Variants in HEATR5B observed in about 807,000 individuals in gnomAD.
HEATR5B encodes the protein HEAT repeat-containing protein 5B.
HEATR5B carries 156 observed loss-of-function variants against 224.1 expected under a neutral mutation model. The ratio of observed to expected loss-of-function variants is 0.70; its 90% CI spans 0.61 to 0.80. The LOEUF (loss-of-function observed/expected upper bound fraction) is 0.80, where lower values mean the gene tolerates loss of function less well. Ranked by LOEUF, HEATR5B falls within the 30% of genes least tolerant of loss-of-function variation. The pLI, the probability that HEATR5B is intolerant of heterozygous loss-of-function variation, is 0.00. For missense variants in HEATR5B, 2,323 were observed against 2,535.5 expected, an observed-to-expected ratio of 0.92 and a Z score of 1.80; for synonymous variants, 1,027 against 893.0, an observed-to-expected ratio of 1.15 and a Z score of -2.68.
At position 37,002,352 on chromosome 2, in the gene HEATR5B, G is replaced by A. The variant is rs1667142047; in HGVS notation, c.5271C>T (p.Ala1757=). 1.2e-6 allele frequency: 2 copies of A among 1,614,102 alleles called. No individual in the cohort carries two copies. Among genetic ancestry groups the A allele is most frequent in the Admixed American group, 1.7e-5 (1 of 59,998 alleles). ...LSEESARLVA[A]TVTILSDLPS... ...GTAAATCAGAGAGTATGGTAACTGT[G>A]GCTGCCACCAAACGAGCACTTTCTT... The change falls in exon 32 of 36, where the codon GCC becomes GCT. Residue 1757 remains alanine, a synonymous_variant. Transcript: ENST00000233099.
chr2:36,985,659 G>T (rs1474573474), intron 35 of HEATR5B, among the ~76,000 whole-genome samples: 1 of 134,616 alleles, frequency 7.4e-6, no homozygotes, highest in Non-Finnish European at 1.6e-5. Context: ...TAGAGACGGG[G>T]TTTCACCATA....
rs1386676062 is a variant in HEATR5B, at chr2:37,041,232, C to T, written c.2757G>A (p.Leu919=). 1 of 1,614,062 alleles carries T rather than the reference C, an allele frequency of 6.2e-7. No individual in the cohort carries two copies. The highest frequency in any genetic ancestry group is 1.6e-4 in the Middle Eastern group (1 of 6,062). ...RTGHSLALGC[L]HRYVGGIGSG... ...AGCCTATTCCACCAACATAACGATG[C>T]AAACAACCAAGAGCCAATGAATGAC... The change falls in exon 19 of 36, where the codon TTG becomes TTA. Residue 919 remains leucine (L), a synonymous_variant. Coordinates refer to ENST00000233099, the MANE Select transcript of HEATR5B (RefSeq NM_019024.3).
chr2:37,016,844 C>A (rs1050290208), intron 26 of HEATR5B, among the ~76,000 whole-genome samples: 3 of 152,068 alleles, frequency 2.0e-5, no homozygotes, highest in African/African-American at 7.2e-5. Context: ...TTAATAAGGA[C>A]ATTTTTAACT....
At chr2:37,055,089 G>A in intron 16 of HEATR5B, 2 of 415,828 alleles carry the variant, frequency 4.8e-6, no homozygotes, top group Non-Finnish European at 5.0e-6. Context: ...TACCTTTTGT[G>A]CACTAAGAAC....
At chr2:36,987,528 CAT>C (rs1408997608) in intron 35 of HEATR5B, among the ~76,000 whole-genome samples, 1 of 151,336 alleles carries the variant, frequency 6.6e-6, no homozygotes, top group Non-Finnish European at 1.5e-5. Context: ...AATTAAAAAT[CAT>C]ATTTTGAAGG....
intron 22 of HEATR5B, among the ~76,000 whole-genome samples, chr2:37,031,790 T>G (rs1669149552): frequency 6.6e-6 from 1 of 152,158 alleles, no homozygotes; most frequent in Non-Finnish European, 1.5e-5. Context: ...TAGAAAACTT[T>G]TATAAGTAAA....
chr2:36,993,483 C>T lies in HEATR5B; in HGVS notation c.5546-2684G>A, dbSNP rs188561714. Among the ~76,000 whole-genome samples, 30 of 150,028 alleles carry T rather than the reference C, an allele frequency of 2.0e-4. 1 individual carries two copies. The East Asian group carries it at 2.9e-3, about 15-fold the overall frequency. On this transcript the variant is annotated intron_variant, in intron 33 of 35. Coordinates refer to ENST00000233099, the MANE Select transcript of HEATR5B (RefSeq NM_019024.3). ...ACATAGGAGGTGGACGTGGAGGTTGCGGTGAGCCAAAATCGCGCCATTGCA... is the reference window on the plus strand; with the variant it reads ...ACATAGGAGGTGGACGTGGAGGTTGTGGTGAGCCAAAATCGCGCCATTGCA...
Position 37,028,677 on chromosome 2 carries a change from T to G in HEATR5B, c.3601+4A>C, listed in dbSNP as rs1668931334. 1 of 1,613,370 alleles carries G rather than the reference T, an allele frequency of 6.2e-7. No homozygotes were observed. Among genetic ancestry groups the G allele is most frequent in the Non-Finnish European group, 8.5e-7 (1 of 1,179,606 alleles). The stretch of plus-strand genomic sequence containing the variant: ...TATTTTAAGAACGCACATTAAATAC[T>G]TACCACTAGAAGCTGCCAGGACATC... On this transcript the variant is annotated splice_donor_region_variant and intron_variant, in intron 23 of 35. Coordinates refer to ENST00000233099, the MANE Select transcript of HEATR5B (RefSeq NM_019024.3).
In HEATR5B at chr2:37,030,090, A is replaced by G. The variant is rs559247971; in HGVS notation, c.3362-1170T>C. Among the ~76,000 whole-genome samples, 61 of 152,274 alleles carry G rather than the reference A, an allele frequency of 4.0e-4. No homozygotes were observed. In the South Asian group the frequency reaches 0.012, roughly 30 times the overall value. ...TCATTCTTGTAAACAGCAGCGGTAT[A>G]TAACTGGTGGCTTTAAGAATGAGTA... On this transcript the variant is annotated intron_variant, in intron 22 of 35. Transcript: ENST00000233099.
At chr2:37,022,131 C>T (rs1054846506) in intron 24 of HEATR5B, among the ~76,000 whole-genome samples, 8 of 151,872 alleles carry the variant, frequency 5.3e-5, no homozygotes, top group African/African-American at 1.9e-4. Context: ...TTGATATCTG[C>T]TTCAGTCACT....
rs3080796 is a variant in HEATR5B at position 37,007,337 on chromosome 2, CTTTTTTTT to C, written c.4523-41_4523-34del. ...GCAATCAAATCAATTAAAAACATTA[CTTTTTTTT>C]TTTTTTTTTTTTTTTTGAGACCAAG... On this transcript the variant is annotated intron_variant, in intron 28 of 35. Transcript: ENST00000233099. 9.8e-5 allele frequency: 115 copies of C among 1,175,900 alleles called. No individual in the cohort carries two copies. In the Middle Eastern group the frequency reaches 1.3e-3, roughly 14 times the overall value. 72.8% of individuals were successfully genotyped at this position (1,175,900 alleles called of 1,614,324 possible).
Position 37,084,280 on chromosome 2 carries a change from G to T in HEATR5B, c.-34C>A. The T allele has an allele frequency of 2.5e-6, 1 of 394,012 alleles. No individual in the cohort carries two copies. The highest frequency in any genetic ancestry group is 4.5e-6 in the Non-Finnish European group (1 of 223,606). The allele number at this position is 394,012 out of a possible 1,614,324, so 24.4% of individuals were successfully genotyped here. A position where few individuals can be genotyped will look rare whatever the true frequency, so the allele number is the denominator to read the frequency against. On this transcript the variant is annotated 5_prime_UTR_variant, in exon 1 of 36. Transcript: ENST00000233099. Reference sequence around the variant, plus strand: ...TTCGGCGACCTCACCTCGTAGTCTGGAAGGGAAGATCAGCTGAGCTCCGGG... The same window carrying T: ...TTCGGCGACCTCACCTCGTAGTCTGTAAGGGAAGATCAGCTGAGCTCCGGG...
At chr2:37,047,375 G>C (rs1221070130) in intron 18 of HEATR5B, among the ~76,000 whole-genome samples, 1 of 152,106 alleles carries the variant, frequency 6.6e-6, no homozygotes, top group Non-Finnish European at 1.5e-5. Flanking sequence ...AATGCAATCT[G>C]TGAATTCTAA....
At position 37,037,874 on chromosome 2, in the gene HEATR5B, C is replaced by G. The variant is rs1669600588; in HGVS notation, c.3197G>C (p.Ser1066Thr). Residue 1066 changes from serine to threonine, a missense_variant, in exon 21 of 36, where the codon AGC becomes ACC. Ser to Thr is a moderately conservative substitution (Grantham distance 58). Transcript: ENST00000233099. ...ACTTACACAAAGGCTAGGAACAAGG[C>G]TAGATAGATTGACATGTCGTGGTGC... ...MFAPRHVNLS[S>T]LVPSLCVHLC... is the part of the protein sequence containing the mutation. 2 of 1,586,062 alleles carry G rather than the reference C, an allele frequency of 1.3e-6. No individual in the cohort carries two copies. Among genetic ancestry groups the G allele is most frequent in the Admixed American group, 1.7e-5 (1 of 57,970 alleles).
rs1386355836 is a variant in HEATR5B, at chr2:37,008,843, A to G, written c.4290T>C (p.Tyr1430=). The G allele has an allele frequency of 7.6e-6, 12 of 1,570,714 alleles. No homozygotes were observed. The highest frequency in any genetic ancestry group is 4.1e-5 in the African/African-American group (3 of 73,880). ...CCTTTTTAATATTCATAGCGACCAC[A>G]TATACCTAATATGATATTTATGAGG... The part of the protein sequence containing the change: ...LAVLKAWAEV[Y]VVAMNIKKEA... Residue 1430 remains tyrosine (Y), a synonymous_variant, in exon 28 of 36, where the codon TAT becomes TAC. Transcript: ENST00000233099.
chr2:37,024,695 C>T lies in HEATR5B; in HGVS notation c.3853+3228G>A, dbSNP rs116296568. Among the ~76,000 whole-genome samples the T allele has an allele frequency of 5.0e-3, 760 of 152,286 alleles. 6 individuals are homozygous for T. The highest frequency in any genetic ancestry group is 0.017 in the African/African-American group (706 of 41,566). ...AAGTAGATTAAAATGGGTCTACTTACATTATGCCAACCTAAAAGTAAATAA... is the reference window on the plus strand; with the variant it reads ...AAGTAGATTAAAATGGGTCTACTTATATTATGCCAACCTAAAAGTAAATAA... On this transcript the variant is annotated intron_variant, in intron 24 of 35. Coordinates refer to ENST00000233099, the MANE Select transcript of HEATR5B (RefSeq NM_019024.3).
Position 37,008,597 on chromosome 2 carries a change from AATGTAATACTCACC to A in HEATR5B, c.4522_4522+13del. The A allele has an allele frequency of 6.4e-7, 1 of 1,562,566 alleles. No individual in the cohort carries two copies. The highest frequency in any genetic ancestry group is 8.8e-7 in the Non-Finnish European group (1 of 1,132,940). Reference sequence around the variant, plus strand: ...TGAACTCCATAAAAGTAAAACTCAGAATGTAATACTCACCATCTGGAGGAAGCTGACTAGAAAAT... The same window carrying A: ...TGAACTCCATAAAAGTAAAACTCAGAATCTGGAGGAAGCTGACTAGAAAAT... On this transcript the variant is annotated splice_donor_variant and splice_donor_5th_base_variant and coding_sequence_variant and intron_variant, in exon 28 of 36. Coordinates refer to ENST00000233099, the MANE Select transcript of HEATR5B (RefSeq NM_019024.3). LOFTEE classifies it high-confidence loss of function.
chr2:37,080,458 A>AT (rs934320820), intron 2 of HEATR5B, among the ~76,000 whole-genome samples: 1 of 152,190 alleles, frequency 6.6e-6, no homozygotes, highest in Non-Finnish European at 1.5e-5. Flanking sequence ...TAAACTCTGG[A>AT]TTTGTTTGTG....
At chr2:37,067,564 T>G (rs1456917496) in intron 8 of HEATR5B, among the ~76,000 whole-genome samples, 1 of 151,852 alleles carries the variant, frequency 6.6e-6, no homozygotes, top group Non-Finnish European at 1.5e-5. Flanking sequence ...AGGTCAGGAG[T>G]TTGAGACCAG....
Sources: gnomAD v4.1 joint callset for allele counts (sites outside exome capture counted in the v4.1 genomes callset) on GRCh38, gnomAD v4.1.1 for gene constraint, MANE v1.5 for transcripts, NCBI Gene and HGNC (gene_info 2026-07-23, HGNC 2026-07-21) for gene names.